Variants in FANCL observed in about 807,000 individuals in gnomAD.
FANCL encodes E3 ubiquitin-protein ligase FANCL.
FANCL carries 69 observed loss-of-function variants against 59.4 expected under a neutral mutation model. That is an observed-to-expected ratio of 1.16 (90% CI 0.96 to 1.42). FANCL has a LOEUF of 1.42. Among genes scored for constraint, FANCL ranks in the 40% most tolerant of loss-of-function variants. The pLI is 0.00. For missense variants in FANCL, 519 were observed against 447.2 expected, an observed-to-expected ratio of 1.16 and a Z score of -1.45; for synonymous variants, 180 against 147.1, an observed-to-expected ratio of 1.22 and a Z score of -1.62.
At chr2:58,211,760 G>A (rs1179404621) in intron 5 of FANCL, among the ~76,000 whole-genome samples, 2 of 152,158 alleles carry the variant, frequency 1.3e-5, no homozygotes, top group African/African-American at 2.4e-5. Context: ...CTCTAGGGCA[G>A]GGGCAAAATA....
In FANCL at chr2:58,163,547, A is replaced by C. The variant is rs183716902; in HGVS notation, c.692-30T>G. On this transcript the variant is annotated intron_variant, in intron 8 of 13. Coordinates refer to ENST00000233741, the MANE Select transcript of FANCL (RefSeq NM_018062.4). The stretch of plus-strand genomic sequence containing the variant: ...AATGAAACAAGATTAAATCTTTTAG[A>C]AGTAGAACAGCTCATCAAACAACCC... 4 of 1,355,200 alleles carry C rather than the reference A, an allele frequency of 3.0e-6. No individual in the cohort carries two copies. The South Asian group carries it at 3.5e-5, about 12-fold the overall frequency. 83.9% of individuals were successfully genotyped at this position (1,355,200 alleles called of 1,614,324 possible).
chr2:58,192,630 T>C (rs1689036981), intron 7 of FANCL, among the ~76,000 whole-genome samples: 1 of 151,862 alleles, frequency 6.6e-6, no homozygotes, highest in African/African-American at 2.4e-5. Context: ...AATATAGTTA[T>C]TTGGGGAAAG....
chr2:58,201,544 G>A (rs1468792858), intron 6 of FANCL, among the ~76,000 whole-genome samples: 2 of 151,932 alleles, frequency 1.3e-5, no homozygotes, highest in East Asian at 1.9e-4. Context: ...TTGCAGCAGA[G>A]AAAGAGTGCC....
chr2:58,182,511 T>G (rs531338429), intron 7 of FANCL, among the ~76,000 whole-genome samples: 2 of 151,854 alleles, frequency 1.3e-5, no homozygotes, highest in Non-Finnish European at 2.9e-5. Context: ...TCTATTTTAT[T>G]CCTGCGATAA....
intron 6 of FANCL, 126 bp downstream of exon 6, chr2:58,204,004 C>G: frequency 1.3e-6 from 1 of 785,840 alleles, no homozygotes; most frequent in Non-Finnish European, 2.2e-6. Context: ...TTTCCAAAAT[C>G]AATGTTTTAA....
intron 3 of FANCL, among the ~76,000 whole-genome samples, chr2:58,227,914 G>A (rs1012485679): frequency 2.0e-5 from 3 of 151,502 alleles, no homozygotes; most frequent in African/African-American, 7.3e-5. Flanking sequence ...GAAAGAAGAG[G>A]AGGAGGAGGA....
intron 7 of FANCL, among the ~76,000 whole-genome samples, chr2:58,168,353 G>A (rs1390989816): frequency 2.0e-5 from 3 of 152,276 alleles, no homozygotes; most frequent in East Asian, 1.9e-4. Context: ...AGGGGTTGGG[G>A]AGCTCCCTCC....
chr2:58,215,087 A>T (rs143878610), intron 5 of FANCL, among the ~76,000 whole-genome samples: 260 of 152,322 alleles, frequency 1.7e-3, no homozygotes, highest in African/African-American at 6.0e-3. Context: ...ACTATGCTCT[A>T]AAAAACAAAT....
chr2:58,182,107 C>T (rs773663246), intron 7 of FANCL, among the ~76,000 whole-genome samples: 44 of 151,784 alleles, frequency 2.9e-4, no homozygotes, highest in Non-Finnish European at 5.3e-4. Context: ...TACATCTTAA[C>T]TTCTAAGTAA....
intron 7 of FANCL, among the ~76,000 whole-genome samples, chr2:58,167,195 A>C (rs1469775731): frequency 6.6e-6 from 1 of 152,206 alleles, no homozygotes; most frequent in African/African-American, 2.4e-5. Context: ...CTGGTGACAG[A>C]GCTAGACTCC....
At chr2:58,185,066 T>G (rs940998031) in intron 7 of FANCL, among the ~76,000 whole-genome samples, 1 of 152,132 alleles carries the variant, frequency 6.6e-6, no homozygotes, top group Admixed American at 6.6e-5. Context: ...ACTACCTCTA[T>G]AATACTACAT....
chr2:58,211,206 C>T (rs531649863), intron 5 of FANCL, among the ~76,000 whole-genome samples: 3 of 152,316 alleles, frequency 2.0e-5, no homozygotes, highest in African/African-American at 7.2e-5. Context: ...GAAATCTAGG[C>T]GGAGGTTCTG....
In FANCL at chr2:58,174,932, TAA is replaced by T. The variant is rs1243775961; in HGVS notation, c.541-9060_541-9059del. Among the ~76,000 whole-genome samples, 13 of 152,184 alleles carry T rather than the reference TAA, an allele frequency of 8.5e-5. 1 individual carries two copies. The East Asian group carries it at 2.5e-3, about 29-fold the overall frequency. ...AGAGAGAAGAATCAAATAGATGCAG[TAA>T]AAAATGATAAAGGGTACATCACCAC... On this transcript the variant is annotated intron_variant, in intron 7 of 13. Transcript: ENST00000233741.
chr2:58,185,439 T>TTTAACCTTGAG (rs1315728843), intron 7 of FANCL, among the ~76,000 whole-genome samples: 3 of 152,148 alleles, frequency 2.0e-5, no homozygotes, highest in Non-Finnish European at 4.4e-5. Flanking sequence ...CCAACTAGCA[T>TTTAACCTTGAG]ATCTGACATT....
At chr2:58,233,253 A>AC (rs3836122) in intron 1 of FANCL, among the ~76,000 whole-genome samples, 63,545 of 151,826 alleles carry the variant, frequency 0.42, 16,604 homozygotes, top group African/African-American at 0.75. Flanking sequence ...GAACTATTCT[A>AC]TATAGAAATC....
intron 7 of FANCL, among the ~76,000 whole-genome samples, chr2:58,186,312 G>C (rs541530740): frequency 6.6e-6 from 1 of 152,186 alleles, no homozygotes; most frequent in South Asian, 2.1e-4. Flanking sequence ...AAGTATGATT[G>C]GTATATTTGG....
rs151232851 is a variant in FANCL, at chr2:58,239,416, C to T, written c.96+1802G>A. On this transcript the variant is annotated intron_variant, in intron 1 of 13. Coordinates refer to ENST00000233741, the MANE Select transcript of FANCL (RefSeq NM_018062.4). ...ATCCAAACCCAAATTGAGATACATT[C>T]TACCTAACAGCCAATCTGTACTCTT... is the stretch of plus-strand genomic sequence containing the variant. Among the ~76,000 whole-genome samples the T allele has an allele frequency of 6.7e-3, 1,027 of 152,276 alleles. 2 individuals are homozygous for T. The highest frequency in any genetic ancestry group is 0.012 in the Non-Finnish European group (786 of 68,008).
At chr2:58,208,891 C>T (rs1210198145) in intron 5 of FANCL, among the ~76,000 whole-genome samples, 2 of 152,180 alleles carry the variant, frequency 1.3e-5, no homozygotes, top group African/African-American at 4.8e-5. Context: ...TATAGAGAAT[C>T]ATTAGCCTCG....
intron 7 of FANCL, among the ~76,000 whole-genome samples, chr2:58,187,235 A>G (rs1263091613): frequency 1.3e-5 from 2 of 152,170 alleles, no homozygotes; most frequent in African/African-American, 4.8e-5. Context: ...CTATGCAGCC[A>G]TAAAAAAGGA....
Sources: gnomAD v4.1 joint callset for allele counts (sites outside exome capture counted in the v4.1 genomes callset) on GRCh38, gnomAD v4.1.1 for gene constraint, MANE v1.5 for transcripts, NCBI Gene and HGNC (gene_info 2026-07-23, HGNC 2026-07-21) for gene names.